The following RAB38 variants were observed in gnomAD, a reference collection of about 807,000 sequenced individuals.
RAB38 encodes RAB38, member RAS oncogene family, also known as ras-related protein Rab-38.
Under a neutral mutation model 18.4 loss-of-function variants are expected in RAB38, and 15 were observed. The observed-to-expected ratio is 0.82, with a 90% CI of 0.55 to 1.26. The LOEUF is 1.26. RAB38 is among the 50% of genes most tolerant of loss of function. The pLI is 0.00. For missense variants in RAB38, 294 were observed against 267.4 expected, an observed-to-expected ratio of 1.10 and a Z score of -0.69; for synonymous variants, 101 against 104.4, an observed-to-expected ratio of 0.97 and a Z score of 0.20.
chr11:87,947,461 C>G, the RAB38 span, among the ~76,000 whole-genome samples: 1 of 152,066 alleles, frequency 6.6e-6, no homozygotes, highest in Non-Finnish European at 1.5e-5. Flanking sequence ...GAAGTCCTTC[C>G]CCATGCCTAT....
At chr11:87,841,656 A>G in the RAB38 span, among the ~76,000 whole-genome samples, 4 of 152,180 alleles carry the variant, frequency 2.6e-5, no homozygotes, top group African/African-American at 9.7e-5. Flanking sequence ...CACACCAGAA[A>G]CAGTCTTGAG....
chr11:87,868,180 A>T, the RAB38 span, among the ~76,000 whole-genome samples: 5 of 151,604 alleles, frequency 3.3e-5, no homozygotes, highest in African/African-American at 1.2e-4. Context: ...ATGGGGGCAA[A>T]TCCTTCATGA....
the RAB38 span, among the ~76,000 whole-genome samples, chr11:87,854,660 C>G: frequency 3.3e-5 from 5 of 152,072 alleles, no homozygotes; most frequent in East Asian, 9.6e-4. Context: ...TGAAAAACAC[C>G]AGAATTAATA....
intron 2 of RAB38, among the ~76,000 whole-genome samples, chr11:88,117,398 T>C (rs949780343): frequency 2.0e-5 from 3 of 152,080 alleles, no homozygotes; most frequent in African/African-American, 7.2e-5. Context: ...CCATTGAGGG[T>C]TTTTTTCAGG....
At chr11:88,111,820 T>C (rs1942478326), downstream of RAB38, among the ~76,000 whole-genome samples, 1 of 152,222 alleles carries the variant, frequency 6.6e-6, no homozygotes, top group Non-Finnish European at 1.5e-5. Flanking sequence ...GTGATTGTCT[T>C]CTAGGCTCTC....
the RAB38 span, among the ~76,000 whole-genome samples, chr11:87,874,658 A>G: frequency 6.7e-6 from 1 of 149,934 alleles, no homozygotes; most frequent in African/African-American, 2.4e-5. Context: ...TAAAATATAT[A>G]TATAAAATAA....
chr11:88,095,291 C>T, the RAB38 span, among the ~76,000 whole-genome samples: 8 of 151,852 alleles, frequency 5.3e-5, no homozygotes, highest in Non-Finnish European at 8.8e-5. Flanking sequence ...TATATTTACA[C>T]ATTTGTACCT....
chr11:88,037,200 G>C, the RAB38 span, among the ~76,000 whole-genome samples: 2,600 of 152,024 alleles, frequency 0.017, 72 homozygotes, highest in African/African-American at 0.06. Flanking sequence ...ATGATAAATA[G>C]TATTTTTGCA....
chr11:87,865,411 C>T, the RAB38 span, among the ~76,000 whole-genome samples: 3 of 151,626 alleles, frequency 2.0e-5, no homozygotes, highest in East Asian at 2.0e-4. Flanking sequence ...TGCTATACTC[C>T]TGGCTTTGAA....
At chr11:87,908,980 A>G in the RAB38 span, among the ~76,000 whole-genome samples, 9 of 152,132 alleles carry the variant, frequency 5.9e-5, no homozygotes, top group East Asian at 1.7e-3. Flanking sequence ...TGTAATGGAA[A>G]CAATTTAATA....
chr11:88,148,974 A>G (rs1943027383), intron 2 of RAB38, among the ~76,000 whole-genome samples: 1 of 152,176 alleles, frequency 6.6e-6, no homozygotes, highest in Non-Finnish European at 1.5e-5. Flanking sequence ...CAAAAACAAA[A>G]AGAGAGTAGA....
chr11:87,976,798 T>G, the RAB38 span, among the ~76,000 whole-genome samples: 3 of 116,516 alleles, frequency 2.6e-5, no homozygotes, highest in Admixed American at 3.0e-4. Context: ...TAATATATAC[T>G]TATAATATAT....
At chr11:87,817,496 A>G in the RAB38 span, 1 of 152,182 alleles carries the variant, frequency 6.6e-6, no homozygotes, top group Non-Finnish European at 1.5e-5. Context: ...TTTGTCTTGA[A>G]ATAGTTTAAC....
the RAB38 span, among the ~76,000 whole-genome samples, chr11:88,006,572 T>C: frequency 1.4e-5 from 2 of 145,622 alleles, no homozygotes; most frequent in African/African-American, 5.0e-5. Context: ...ATTATATATA[T>C]ACACATTATA....
At chr11:87,856,973 C>A in the RAB38 span, among the ~76,000 whole-genome samples, 5 of 151,980 alleles carry the variant, frequency 3.3e-5, no homozygotes, top group Middle Eastern at 3.2e-3. Flanking sequence ...ATTAACTCAT[C>A]ATTTACATTA....
chr11:88,029,577 G>A, the RAB38 span, among the ~76,000 whole-genome samples: 4 of 152,072 alleles, frequency 2.6e-5, no homozygotes, highest in East Asian at 1.9e-4. Context: ...AGGGTTTGCA[G>A]TCCTAGTCTC....
the RAB38 span, among the ~76,000 whole-genome samples, chr11:87,902,184 C>A: frequency 6.6e-6 from 1 of 151,192 alleles, no homozygotes; most frequent in Non-Finnish European, 1.5e-5. Flanking sequence ...AACCCAAATG[C>A]CAGTGTTTTA....
At chr11:88,053,064 A>ATATATATACACATATGGAATATATATAT in the RAB38 span, among the ~76,000 whole-genome samples, 1 of 63,602 alleles carries the variant, frequency 1.6e-5, no homozygotes, top group Non-Finnish European at 3.3e-5. Flanking sequence ...TATATATATT[A>ATATATATACACATATGGAATATATATAT]TATATATACA....
At chr11:87,839,623 T>TA in the RAB38 span, among the ~76,000 whole-genome samples, 1 of 152,196 alleles carries the variant, frequency 6.6e-6, no homozygotes, top group African/African-American at 2.4e-5. Context: ...CCATCTATAT[T>TA]ACATTTTTAA....
Sources: allele counts gnomAD v4.1 joint callset (sites outside exome capture counted in the v4.1 genomes callset), GRCh38; gene constraint gnomAD v4.1.1; transcripts MANE v1.5; gene names NCBI Gene and HGNC (gene_info 2026-07-23, HGNC 2026-07-21).